SPATS2: variants seen among roughly 807,000 people sequenced by gnomAD.
SPATS2 encodes spermatogenesis associated serine rich 2.
Under a neutral mutation model 63.7 loss-of-function variants are expected in SPATS2, and 38 were observed. The ratio of observed to expected loss-of-function variants is 0.60; its 90% confidence interval spans 0.46 to 0.78. The LOEUF is 0.78. Among genes scored for constraint, SPATS2 ranks in the 30% least tolerant of loss-of-function variants. The pLI is 0.00. For missense variants in SPATS2, 588 were observed against 666.2 expected (o/e 0.88, Z 1.29); for synonymous variants, 207 against 232.9 (o/e 0.89, Z 1.01).
rs533702250 is a variant in SPATS2 at position 49,514,724 on chromosome 12, A to G, written c.898+111A>G. On this transcript the variant is annotated intron_variant, in intron 10 of 13. Coordinates refer to ENST00000552918, the MANE Select transcript of SPATS2 (RefSeq NM_023071.4). ...TAAATACCATAATAAGAGTTTATAT[A>G]TTTAAATAATCTTAAGCAGTTGCAC... 7.0e-5 allele frequency: 65 copies of G among 928,950 alleles called. No homozygotes were observed. In the African/African-American group the frequency reaches 9.8e-4, roughly 14 times the overall value. The allele number at this position is 928,950 out of a possible 1,614,324, so 57.5% of individuals were successfully genotyped here. A position where few individuals can be genotyped will look rare whatever the true frequency, so the allele number is the denominator to read the frequency against.
intron 2 of SPATS2, among the ~76,000 whole-genome samples, chr12:49,458,551 G>A (rs1269708629): frequency 3.4e-5 from 5 of 145,416 alleles, no homozygotes; most frequent in South Asian, 2.2e-4. Flanking sequence ...AGGCCAAGGC[G>A]GGCAGATTAC....
chr12:49,426,688 C>T (rs1013155549), intron 2 of SPATS2, among the ~76,000 whole-genome samples: 17 of 152,160 alleles, frequency 1.1e-4, no homozygotes, highest in South Asian at 6.2e-4. Context: ...GGACTACAGG[C>T]GCCCGCCACC....
chr12:49,376,058 T>A (rs925651221), intron 2 of SPATS2, among the ~76,000 whole-genome samples: 5 of 150,530 alleles, frequency 3.3e-5, no homozygotes, highest in Non-Finnish European at 7.4e-5. Flanking sequence ...CCAAAATGCT[T>A]GGATTACAGG....
At chr12:49,508,097 T>G (rs1357169704) in intron 9 of SPATS2, among the ~76,000 whole-genome samples, 1 of 152,238 alleles carries the variant, frequency 6.6e-6, no homozygotes, top group Non-Finnish European at 1.5e-5. Flanking sequence ...TCTTTTGTTT[T>G]CTGTCTTACC....
intron 2 of SPATS2, among the ~76,000 whole-genome samples, chr12:49,413,455 G>GCCC (rs1944834224): frequency 6.6e-6 from 1 of 151,898 alleles, no homozygotes; most frequent in Non-Finnish European, 1.5e-5. Context: ...GAACTCCTGG[G>GCCC]TTCAAGTGAT....
intron 12 of SPATS2, 126 bp downstream of exon 12, chr12:49,522,979 T>C: frequency 1.4e-6 from 1 of 728,440 alleles, no homozygotes. Context: ...GAAAACTAAC[T>C]CTAGGATGCT....
chr12:49,512,872 G>T (rs1340512545), intron 9 of SPATS2: 5 of 1,288,988 alleles, frequency 3.9e-6, no homozygotes, highest in Non-Finnish European at 5.1e-6. Context: ...GTATTCCAAT[G>T]CTGCTAGAGT....
chr12:49,375,126 G>A (rs1244342297), intron 2 of SPATS2, among the ~76,000 whole-genome samples: 1 of 147,140 alleles, frequency 6.8e-6, no homozygotes, highest in Non-Finnish European at 1.5e-5. Flanking sequence ...CAAGATGTAT[G>A]ATTGCAAGTT....
At chr12:49,517,458 G>A (rs1030362434) in intron 10 of SPATS2, among the ~76,000 whole-genome samples, 1 of 152,150 alleles carries the variant, frequency 6.6e-6, no homozygotes, top group Admixed American at 6.5e-5. Context: ...TGTGTTACAG[G>A]ATTCTATGTA....
chr12:49,512,509 C>CA (rs112949169), intron 9 of SPATS2, among the ~76,000 whole-genome samples: 2,108 of 150,564 alleles, frequency 0.014, 47 homozygotes, highest in African/African-American at 0.047. Context: ...CCGAGTTAAT[C>CA]AAAAACAAAG....
intron 5 of SPATS2, chr12:49,490,262 T>G (rs976145580): frequency 1.3e-5 from 2 of 157,328 alleles, no homozygotes; most frequent in Non-Finnish European, 2.8e-5. Context: ...AAAATAATGT[T>G]AGTGTTTTGG....
In SPATS2 at chr12:49,524,894, G is replaced by A. The variant is rs755890004; in HGVS notation, c.1324G>A (p.Glu442Lys). ...SSGQPYQPLREVLPGNRRGGQ... is the reference protein window; with the variant it reads ...SSGQPYQPLRKVLPGNRRGGQ... Reference sequence around the variant, plus strand: ...TGGCCAGCCCTACCAGCCACTTCGGGAGGTAACCTAGCTTCTACACTGAGC... The same window carrying A: ...TGGCCAGCCCTACCAGCCACTTCGGAAGGTAACCTAGCTTCTACACTGAGC... Residue 442 changes from glutamate to lysine, a missense_variant and splice_region_variant, in exon 13 of 14, where the codon GAG (glutamate) becomes AAG (lysine). Glu to Lys is a moderately conservative substitution (Grantham distance 56). Transcript: ENST00000552918. The A allele has an allele frequency of 6.2e-7, 1 of 1,613,130 alleles. No individual in the cohort carries two copies. The highest frequency in any genetic ancestry group is 2.2e-5 in the East Asian group (1 of 44,890).
intron 2 of SPATS2, among the ~76,000 whole-genome samples, chr12:49,446,826 G>T (rs1297905587): frequency 6.6e-6 from 1 of 152,184 alleles, no homozygotes; most frequent in Non-Finnish European, 1.5e-5. Context: ...ATGTTTGATT[G>T]AATAATTAGG....
At chr12:49,384,387 GA>G (rs1944274562) in intron 2 of SPATS2, among the ~76,000 whole-genome samples, 1 of 152,152 alleles carries the variant, frequency 6.6e-6, no homozygotes, top group Non-Finnish European at 1.5e-5. Context: ...TGTATAAGTT[GA>G]AAAGTGAAAG....
intron 6 of SPATS2, among the ~76,000 whole-genome samples, chr12:49,491,356 A>G (rs1946379321): frequency 6.6e-6 from 1 of 152,058 alleles, no homozygotes; most frequent in African/African-American, 2.4e-5. Context: ...ATCAGTTAAA[A>G]CAGTTCAGAT....
At chr12:49,465,686 A>G (rs543532570) in intron 3 of SPATS2, among the ~76,000 whole-genome samples, 2 of 152,098 alleles carry the variant, frequency 1.3e-5, no homozygotes, top group Non-Finnish European at 2.9e-5. Context: ...GCTCACAGCT[A>G]TAATCCCAGC....
In SPATS2 at chr12:49,496,940, C is replaced by T. The variant is rs922313845; in HGVS notation, c.634C>T (p.Pro212Ser). Residue 212 changes from proline (P) to serine (S), a missense_variant, in exon 8 of 14, where the codon CCT becomes TCT. By Grantham distance (74) the Pro-to-Ser change is moderately conservative (BLOSUM62 -1). Coordinates refer to ENST00000552918, the MANE Select transcript of SPATS2 (RefSeq NM_023071.4). Reference sequence around the variant, plus strand: ...GAATGCTGCCAAATCTCTCTCAAGACCTACCACAGAAACTCAGTTTTCAAA... The same window carrying T: ...GAATGCTGCCAAATCTCTCTCAAGATCTACCACAGAAACTCAGTTTTCAAA... ...PRNAAKSLSR[P>S]TTETQFSNMG... 6.2e-7 allele frequency: 1 copy of T among 1,609,328 alleles called. No individual in the cohort carries two copies. The highest frequency in any genetic ancestry group is 8.5e-7 in the Non-Finnish European group (1 of 1,178,450).
chr12:49,451,918 T>C (rs966440779), intron 2 of SPATS2, among the ~76,000 whole-genome samples: 1 of 152,258 alleles, frequency 6.6e-6, no homozygotes, highest in African/African-American at 2.4e-5. Flanking sequence ...TTTAGCACTT[T>C]GAATGTCATT....
At chr12:49,458,483 GA>G (rs542751587) in intron 2 of SPATS2, among the ~76,000 whole-genome samples, 1,927 of 146,456 alleles carry the variant, frequency 0.013, 41 homozygotes, top group African/African-American at 0.039. Context: ...AAAAGGAAAA[GA>G]AAAAAAAAAT....
Sources: allele counts gnomAD v4.1 joint callset (sites outside exome capture counted in the v4.1 genomes callset), GRCh38; gene constraint gnomAD v4.1.1; transcripts MANE v1.5; gene names NCBI Gene and HGNC (gene_info 2026-07-23, HGNC 2026-07-21).